The following MAP2 variants were observed in gnomAD, a reference collection of about 807,000 sequenced individuals.
The protein encoded by MAP2 is microtubule-associated protein 2.
A neutral mutation model predicts 137.6 loss-of-function variants in MAP2; 14 were observed. The ratio of observed to expected loss-of-function variants is 0.10; its 90% CI spans 0.07 to 0.16. The LOEUF is 0.16. Ranked by LOEUF, MAP2 falls within the 10% of genes least tolerant of loss-of-function variation. The pLI, the probability that MAP2 is intolerant of heterozygous loss-of-function variation, is 1.00. For synonymous variants in MAP2, 786 were observed against 782.3 expected, an observed-to-expected ratio of 1.00 and a Z score of -0.08; for missense variants, 2,088 against 2,191.5, an observed-to-expected ratio of 0.95 and a Z score of 0.94.
intron 1 of MAP2, among the ~76,000 whole-genome samples, chr2:209,458,647 C>T (rs1167514537): frequency 6.6e-6 from 1 of 152,114 alleles, no homozygotes; most frequent in Non-Finnish European, 1.5e-5. Flanking sequence ...GGATTTTCTC[C>T]AGCATCTGTG....
At position 209,696,236 on chromosome 2, in the gene MAP2, A is replaced by G. The variant is rs780373367; in HGVS notation, c.4066A>G (p.Arg1356Gly). 8 of 1,613,688 alleles carry G rather than the reference A, an allele frequency of 5.0e-6. No individual in the cohort carries two copies. Among genetic ancestry groups the G allele is most frequent in the Non-Finnish European group, 6.8e-6 (8 of 1,179,884 alleles). ...GSPEAPASPE[R>G]EEVALSEYKT... ...CCCAGAGGCTCCAGCTTCCCCTGAGAGAGAAGAGGTTGCACTTTCTGAATA... is the reference window on the plus strand; with the variant it reads ...CCCAGAGGCTCCAGCTTCCCCTGAGGGAGAAGAGGTTGCACTTTCTGAATA... The change falls in exon 8 of 16, where the codon AGA becomes GGA. Residue 1356 changes from arginine to glycine, a missense_variant. Physicochemically the swap from Arg to Gly is moderately radical, Grantham distance 125 (BLOSUM62 -2). This residue lies in a region of MAP2 where 591 missense variants were observed against 642.6 expected (regional missense o/e 0.92). Coordinates refer to ENST00000682079, the MANE Select transcript of MAP2 (RefSeq NM_001375505.1).
chr2:209,486,742 G>C (rs2149907783), intron 1 of MAP2, among the ~76,000 whole-genome samples: 1 of 152,220 alleles, frequency 6.6e-6, no homozygotes, highest in East Asian at 1.9e-4. Flanking sequence ...GAATTATAGG[G>C]GAAAATGTAA....
At chr2:209,490,509 C>T (rs1172747914) in intron 1 of MAP2, among the ~76,000 whole-genome samples, 1 of 145,674 alleles carries the variant, frequency 6.9e-6, no homozygotes, top group Non-Finnish European at 1.5e-5. Context: ...TCAAGACCCG[C>T]TGGTGTGCTG....
intron 11 of MAP2, 150 bp downstream of exon 11, chr2:209,700,488 A>C: frequency 4.8e-6 from 3 of 620,468 alleles, no homozygotes; most frequent in Non-Finnish European, 8.2e-6. Flanking sequence ...CGTGGCATCC[A>C]GGCATGGAAG....
At chr2:209,554,494 A>G (rs957062315) in intron 2 of MAP2, among the ~76,000 whole-genome samples, 2 of 152,186 alleles carry the variant, frequency 1.3e-5, no homozygotes, top group African/African-American at 4.8e-5. Context: ...AAAGTCTAAT[A>G]GGTTGGTTTG....
At chr2:209,649,062 T>A (rs1348496006) in intron 4 of MAP2, among the ~76,000 whole-genome samples, 1 of 152,026 alleles carries the variant, frequency 6.6e-6, no homozygotes, top group Non-Finnish European at 1.5e-5. Flanking sequence ...AGAGACAGAG[T>A]CTTTCTCTGT....
intron 4 of MAP2, among the ~76,000 whole-genome samples, chr2:209,652,054 C>T (rs1357645622): frequency 1.3e-5 from 2 of 152,138 alleles, no homozygotes; most frequent in African/African-American, 4.8e-5. Flanking sequence ...CCTGTGTTGT[C>T]ATCCTTACTG....
chr2:209,582,971 C>G (rs557352220), intron 3 of MAP2, among the ~76,000 whole-genome samples: 1 of 152,096 alleles, frequency 6.6e-6, no homozygotes, highest in South Asian at 2.1e-4. Context: ...GCCTCAAAGT[C>G]CTTCATATTA....
intron 1 of MAP2, among the ~76,000 whole-genome samples, chr2:209,470,947 A>G (rs1705540826): frequency 6.6e-6 from 1 of 152,040 alleles, no homozygotes; most frequent in Admixed American, 6.6e-5. Flanking sequence ...TGTCCTCCAT[A>G]TTGGAGTAGA....
intron 3 of MAP2, among the ~76,000 whole-genome samples, chr2:209,609,238 C>A (rs1410533258): frequency 6.6e-6 from 1 of 151,848 alleles, no homozygotes; most frequent in Non-Finnish European, 1.5e-5. Context: ...TCTTAAATTT[C>A]AAAAAATTAA....
At chr2:209,613,357 AGAAT>A (rs765606615) in intron 3 of MAP2, among the ~76,000 whole-genome samples, 7 of 152,272 alleles carry the variant, frequency 4.6e-5, no homozygotes, top group Admixed American at 2.6e-4. Context: ...ATTAGGAAAT[AGAAT>A]GAATGTGAAA....
intron 4 of MAP2, among the ~76,000 whole-genome samples, chr2:209,635,241 T>C (rs2093449694): frequency 6.6e-6 from 1 of 152,168 alleles, no homozygotes; most frequent in Admixed American, 6.5e-5. Context: ...ATTAAAGGAA[T>C]CAATTGATTA....
chr2:209,433,768 A>AT (rs942260446), intron 1 of MAP2, among the ~76,000 whole-genome samples: 28 of 150,708 alleles, frequency 1.9e-4, no homozygotes, highest in Non-Finnish European at 2.8e-4. Flanking sequence ...AAACTGTGTC[A>AT]TTTTTTTTTG....
intron 2 of MAP2, among the ~76,000 whole-genome samples, chr2:209,562,742 A>G (rs2062148464): frequency 6.6e-6 from 1 of 152,138 alleles, no homozygotes; most frequent in Non-Finnish European, 1.5e-5. Flanking sequence ...GTGAAGCACC[A>G]GAAAAACTGA....
chr2:209,700,464 C>A, intron 11 of MAP2, 126 bp downstream of exon 11: 1 of 716,440 alleles, frequency 1.4e-6, no homozygotes, highest in South Asian at 2.1e-5. Flanking sequence ...AGTTCGCTCA[C>A]CCAGAAGATT....
chr2:209,723,397 A>C (rs1228605625), intron 13 of MAP2, among the ~76,000 whole-genome samples: 2 of 152,092 alleles, frequency 1.3e-5, no homozygotes, highest in Non-Finnish European at 2.9e-5. Flanking sequence ...CTCGCATTTG[A>C]CCCTTGTGGG....
chr2:209,610,620 T>A (rs920107505), intron 3 of MAP2, among the ~76,000 whole-genome samples: 1 of 152,146 alleles, frequency 6.6e-6, no homozygotes, highest in Non-Finnish European at 1.5e-5. Flanking sequence ...TTTCACAGGA[T>A]AAACAGCCTC....
intron 3 of MAP2, among the ~76,000 whole-genome samples, chr2:209,595,678 A>G (rs1374454300): frequency 6.6e-6 from 1 of 152,202 alleles, no homozygotes; most frequent in Non-Finnish European, 1.5e-5. Context: ...TTGCGGCCCT[A>G]TTCACGATAG....
chr2:209,622,486 G>A (rs183392521), intron 3 of MAP2, among the ~76,000 whole-genome samples: 1 of 152,298 alleles, frequency 6.6e-6, no homozygotes, highest in Non-Finnish European at 1.5e-5. Flanking sequence ...AATAGAGGAT[G>A]ATGGTGAGGA....
Sources: allele counts gnomAD v4.1 joint callset (sites outside exome capture counted in the v4.1 genomes callset), GRCh38; gene constraint gnomAD v4.1.1; regional missense constraint gnomAD v4.1.1; transcripts MANE v1.5; gene names NCBI Gene and HGNC (gene_info 2026-07-23, HGNC 2026-07-21).